The following PPIP5K2 variants were observed in gnomAD, a reference collection of about 807,000 sequenced individuals.
The protein encoded by PPIP5K2 is inositol hexakisphosphate and diphosphoinositol-pentakisphosphate kinase 2.
Under a neutral mutation model 154.6 loss-of-function variants are expected in PPIP5K2, and 105 were observed. That is an observed-to-expected ratio of 0.68 (90% CI 0.58 to 0.80). The LOEUF (loss-of-function observed/expected upper bound fraction) is 0.80, where lower values mean the gene tolerates loss of function less well. Ranked by LOEUF, PPIP5K2 falls within the 30% of genes least tolerant of loss-of-function variation. The pLI is 0.00. For missense variants in PPIP5K2, 992 were observed against 1,504.6 expected, an observed-to-expected ratio of 0.66 and a Z score of 5.64; for synonymous variants, 480 against 490.3, an observed-to-expected ratio of 0.98 and a Z score of 0.28.
chr5:103,190,664 G>A (rs1219851318), intron 28 of PPIP5K2, among the ~76,000 whole-genome samples, 178 bp from the exon 29 acceptor site: 1 of 151,776 alleles, frequency 6.6e-6, no homozygotes, highest in Non-Finnish European at 1.5e-5. Flanking sequence ...GTCACATCTT[G>A]TTCCAGCTCC....
intron 19 of PPIP5K2, among the ~76,000 whole-genome samples, chr5:103,169,334 T>C (rs1449127729): frequency 6.6e-6 from 1 of 151,650 alleles, no homozygotes; most frequent in African/African-American, 2.4e-5. Flanking sequence ...TACATAAAGT[T>C]TGAAAGCAGG....
In PPIP5K2 at chr5:103,210,025, T is replaced by A. The variant is rs1803718436; in HGVS notation, c.*8391T>A. 1 of 152,122 alleles carries A rather than the reference T, an allele frequency of 6.6e-6. No individual in the cohort carries two copies. Among genetic ancestry groups the A allele is most frequent in the African/African-American group, 2.4e-5 (1 of 41,424 alleles). The allele number at this position is 152,122 out of a possible 1,614,324, so 9.4% of individuals were successfully genotyped here. A position where few individuals can be genotyped will look rare whatever the true frequency, so the allele number is the denominator to read the frequency against. ...AACTACCACAATTTTATATAACTGA[T>A]TCTTCACTGGTCATCCAGAAGCCTT... On this transcript the variant is annotated 3_prime_UTR_variant, in exon 31 of 31. Coordinates refer to ENST00000358359, the MANE Select transcript of PPIP5K2 (RefSeq NM_001276277.3).
intron 14 of PPIP5K2, among the ~76,000 whole-genome samples, chr5:103,156,616 C>T (rs1795456980): frequency 6.6e-6 from 1 of 152,110 alleles, no homozygotes; most frequent in African/African-American, 2.4e-5. Flanking sequence ...AAAGTGTTTT[C>T]TTCGTTTCTG....
In PPIP5K2 at chr5:103,132,766, C is replaced by A. The variant is rs567873786; in HGVS notation, c.115-687C>A. Among the ~76,000 whole-genome samples the A allele has an allele frequency of 5.9e-5, 9 of 152,238 alleles. No homozygotes were observed. In the South Asian group the frequency reaches 1.9e-3, roughly 32 times the overall value. ...TAAATGCAAAGATCACCAAATGAAT[C>A]TTGAGTAATTTTATAAATCTAGGAG... On this transcript the variant is annotated intron_variant, in intron 2 of 30. Transcript: ENST00000358359.
At chr5:103,149,362 T>A (rs575960480) in intron 8 of PPIP5K2, 49 bp downstream of exon 8, 1 of 1,519,446 alleles carries the variant, frequency 6.6e-7, no homozygotes, top group Middle Eastern at 1.8e-4. Flanking sequence ...AAATTCTAAT[T>A]TTCTTTTTTG....
rs191754256 is a variant in PPIP5K2, at chr5:103,180,382, C to T, written c.2922+194C>T. ...AATAGATTAGCTTTAGAATGTTGAG[C>T]TTTACATATAGTTTTCATAAAAAAA... On this transcript the variant is annotated intron_variant, in intron 24 of 30. Coordinates refer to ENST00000358359, the MANE Select transcript of PPIP5K2 (RefSeq NM_001276277.3). Among the ~76,000 whole-genome samples, 84 of 151,786 alleles carry T rather than the reference C, an allele frequency of 5.5e-4. 1 individual carries two copies. Among genetic ancestry groups the T allele is most frequent in the African/African-American group, 2.0e-3 (81 of 41,404 alleles).
At position 103,131,455 on chromosome 5, in the gene PPIP5K2, A is replaced by T. The variant is rs1192940017; in HGVS notation, c.114+1752A>T. On this transcript the variant is annotated intron_variant, in intron 2 of 30. Coordinates refer to ENST00000358359, the MANE Select transcript of PPIP5K2 (RefSeq NM_001276277.3). Reference sequence around the variant, plus strand: ...CTTTTTTTCCCCCCAAATATCTTCAATACATGATTAATTGAATCCATGGAT... The same window carrying T: ...CTTTTTTTCCCCCCAAATATCTTCATTACATGATTAATTGAATCCATGGAT... 3.9e-5 allele frequency among the ~76,000 whole-genome samples: 6 copies of T among 152,262 alleles called. No homozygotes were observed. The East Asian group carries it at 1.2e-3, about 29-fold the overall frequency.
chr5:103,180,261 A>G (rs1288462210), intron 24 of PPIP5K2, 73 bp downstream of exon 24: 30 of 1,301,080 alleles, frequency 2.3e-5, no homozygotes, highest in Non-Finnish European at 3.0e-5. Context: ...AAAAGAAAAT[A>G]CAGCTTTAAT....
intron 17 of PPIP5K2, among the ~76,000 whole-genome samples, chr5:103,160,969 T>A (rs970184834): frequency 7.3e-5 from 11 of 151,644 alleles, no homozygotes; most frequent in Admixed American, 2.6e-4. Context: ...TTTTTTTTTT[T>A]AAATTATACT....
chr5:103,120,395 C>T lies in PPIP5K2; in HGVS notation c.-378C>T, dbSNP rs1788444849. On this transcript the variant is annotated 5_prime_UTR_variant, in exon 1 of 31. Transcript: ENST00000358359. ...ACAACTGAAGTCTCTTGACAAACAC[C>T]TCACCCCTGCCTCCGGGATGAAAGG... is the stretch of plus-strand genomic sequence containing the variant. 2.2e-6 allele frequency: 1 copy of T among 456,532 alleles called. No individual in the cohort carries two copies. Among genetic ancestry groups the T allele is most frequent in the African/African-American group, 2.0e-5 (1 of 50,038 alleles). The allele number at this position is 456,532 out of a possible 1,614,324, so 28.3% of individuals were successfully genotyped here. A position where few individuals can be genotyped will look rare whatever the true frequency, so the allele number is the denominator to read the frequency against.
chr5:103,187,232 A>G (rs1800528242), intron 27 of PPIP5K2, 82 bp from the exon 28 acceptor site: 2 of 1,025,288 alleles, frequency 2.0e-6, no homozygotes, highest in South Asian at 1.4e-5. Flanking sequence ...ACCTCCTCAT[A>G]TATTTGTTTT....
rs1554218226 is a variant in PPIP5K2 at position 103,167,325 on chromosome 5, A to G, written c.2062+5A>G. On this transcript the variant is annotated splice_donor_5th_base_variant and intron_variant, in intron 18 of 30. Transcript: ENST00000358359. ...TGGAAGATCCTAAATCATCAGGTAA[A>G]TATGTTTTTCTTAGAGCATAGAACA... is the stretch of plus-strand genomic sequence containing the variant. 4.5e-6 allele frequency: 7 copies of G among 1,555,064 alleles called. No homozygotes were observed. In the Admixed American group the frequency reaches 1.4e-4, roughly 31 times the overall value.
intron 11 of PPIP5K2, among the ~76,000 whole-genome samples, chr5:103,154,307 G>A (rs868925101): frequency 6.6e-6 from 1 of 151,944 alleles, no homozygotes; most frequent in East Asian, 1.9e-4. Context: ...TTGGTTTGGA[G>A]ATGATAAAAT....
At chr5:103,183,193 T>TCCCC in intron 24 of PPIP5K2, 41 bp from the exon 25 acceptor site, 1 of 835,284 alleles carries the variant, frequency 1.2e-6, no homozygotes, top group South Asian at 5.9e-5. Flanking sequence ...TTTTTTTTTT[T>TCCCC]TTTTTTTTTT....
chr5:103,121,926 A>G (rs2149419941), intron 1 of PPIP5K2, among the ~76,000 whole-genome samples: 1 of 152,350 alleles, frequency 6.6e-6, no homozygotes, highest in South Asian at 2.1e-4. Context: ...CTCCCATGCA[A>G]CCACAATATA....
At chr5:103,183,509 A>G in intron 25 of PPIP5K2, 102 bp downstream of exon 25, 5 of 993,884 alleles carry the variant, frequency 5.0e-6, no homozygotes, top group Non-Finnish European at 7.4e-6. Context: ...ACATCAGAGT[A>G]AATCCTTCTG....
At chr5:103,180,328 A>T (rs1799317388) in intron 24 of PPIP5K2, 140 bp downstream of exon 24, 2 of 593,408 alleles carry the variant, frequency 3.4e-6, no homozygotes, top group African/African-American at 3.9e-5. Context: ...TTTTTAAATA[A>T]ATTACAAAAA....
At chr5:103,162,023 G>A (rs1485230466) in intron 17 of PPIP5K2, among the ~76,000 whole-genome samples, 2 of 151,992 alleles carry the variant, frequency 1.3e-5, no homozygotes, top group African/African-American at 4.8e-5. Flanking sequence ...ATGCTATTGA[G>A]CTAATTTACA....
intron 14 of PPIP5K2, among the ~76,000 whole-genome samples, chr5:103,156,515 G>C (rs2149596226): frequency 6.6e-6 from 1 of 152,274 alleles, no homozygotes; most frequent in Admixed American, 6.5e-5. Flanking sequence ...GAAAAGGGTA[G>C]GGATTGGGGA....
Sources: gnomAD v4.1 joint callset for allele counts (sites outside exome capture counted in the v4.1 genomes callset) on GRCh38, gnomAD v4.1.1 for gene constraint, MANE v1.5 for transcripts, NCBI Gene and HGNC (gene_info 2026-07-23, HGNC 2026-07-21) for gene names.